Variants in AUTS2 observed in about 807,000 individuals in gnomAD.
AUTS2 encodes the protein autism susceptibility gene 2 protein.
AUTS2 carries 17 observed loss-of-function variants against 112.4 expected under a neutral mutation model. The observed-to-expected ratio is 0.15, with a 90% CI of 0.10 to 0.23. The LOEUF (loss-of-function observed/expected upper bound fraction) is 0.23. Ranked by LOEUF, AUTS2 falls within the 10% of genes least tolerant of loss-of-function variation. AUTS2 has a pLI of 1.00. For missense variants in AUTS2, 1,510 were observed against 1,701.6 expected (o/e 0.89, Z 1.98); for synonymous variants, 751 against 702.7 (o/e 1.07, Z -1.09).
chr7:70,390,722 G>A (rs918706617), intron 4 of AUTS2, among the ~76,000 whole-genome samples: 1 of 152,096 alleles, frequency 6.6e-6, no homozygotes, highest in African/African-American at 2.4e-5. Flanking sequence ...GCGAAGATGG[G>A]AAGAGTTAGG....
At chr7:70,590,840 G>T (rs7796916) in intron 5 of AUTS2, among the ~76,000 whole-genome samples, 24 of 152,064 alleles carry the variant, frequency 1.6e-4, no homozygotes, top group Middle Eastern at 3.4e-3. Context: ...GGCCTTTTTC[G>T]TGTTGTTTTC....
At position 70,774,056 on chromosome 7, in the gene AUTS2, G is replaced by A. The variant is rs766073543; in HGVS notation, c.1859G>A (p.Arg620Gln). The change falls in exon 12 of 19, where the codon CGG becomes CAG. Residue 620 changes from arginine (R) to glutamine (Q), a missense_variant. By Grantham distance (43) the Arg-to-Gln change is conservative (BLOSUM62 1). This residue lies in a region of AUTS2 where 187 missense variants were observed against 309.7 expected (regional missense o/e 0.60). Transcript: ENST00000342771. Reference protein sequence around the residue: ...KTSNPIDVAARPGTVPHTLLQ... With the variant: ...KTSNPIDVAAQPGTVPHTLLQ... ...TCCAACCCTATCGATGTCGCTGCTC[G>A]GCCTGGGACAGTCCCACACACTTTA... is the stretch of plus-strand genomic sequence containing the variant. The A allele has an allele frequency of 2.0e-5, 33 of 1,614,024 alleles. No individual in the cohort carries two copies. The highest frequency in any genetic ancestry group is 6.7e-5 in the East Asian group (3 of 44,898).
chr7:69,652,800 A>G (rs1795353897), intron 1 of AUTS2, among the ~76,000 whole-genome samples: 1 of 152,158 alleles, frequency 6.6e-6, no homozygotes, highest in South Asian at 2.1e-4. Context: ...GGCTGGAGGA[A>G]CTGTGAAAAA....
chr7:70,134,411 A>G, intron 3 of AUTS2, 125 bp from the exon 4 acceptor site: 2 of 753,872 alleles, frequency 2.7e-6, no homozygotes, highest in Admixed American at 4.1e-5. Context: ...GACAAGGGGC[A>G]GCATACACTG....
chr7:69,673,718 T>C (rs1273689564), intron 1 of AUTS2, among the ~76,000 whole-genome samples: 1 of 152,220 alleles, frequency 6.6e-6, no homozygotes, highest in Non-Finnish European at 1.5e-5. Flanking sequence ...TGGGGTAACT[T>C]TGCCAACTAA....
At chr7:70,087,372 C>CTTTTTTTTTTTTTTTTTTT (rs571292584) in intron 2 of AUTS2, among the ~76,000 whole-genome samples, 1 of 137,724 alleles carries the variant, frequency 7.3e-6, no homozygotes. Context: ...TTTTCTTTTT[C>CTTTTTTTTTTTTTTTTTTT]TTTTTTTTTT....
chr7:70,147,828 A>G (rs777145844), intron 4 of AUTS2, among the ~76,000 whole-genome samples: 53 of 152,144 alleles, frequency 3.5e-4, no homozygotes, highest in Non-Finnish European at 1.0e-4. Flanking sequence ...GGAGTGATCA[A>G]GCATGATCAC....
chr7:69,884,494 T>G lies in AUTS2; in HGVS notation c.310-14792T>G, dbSNP rs139050155. Among the ~76,000 whole-genome samples the G allele has an allele frequency of 3.1e-3, 474 of 152,328 alleles. 3 individuals are homozygous for G. Among genetic ancestry groups the G allele is most frequent in the African/African-American group, 0.011 (467 of 41,576 alleles). On this transcript the variant is annotated intron_variant, in intron 1 of 18. Transcript: ENST00000342771. ...ATAAATCTCACGTTTAATCCTCTGG[T>G]TACCCTGTAATCATGTCTCTATTGA...
intron 5 of AUTS2, among the ~76,000 whole-genome samples, chr7:70,681,587 C>A (rs773740720): frequency 6.6e-6 from 1 of 151,806 alleles, no homozygotes; most frequent in African/African-American, 2.4e-5. Context: ...AGGATTTCAG[C>A]GGTAGGCAAA....
chr7:70,642,801 C>T (rs991297150), intron 5 of AUTS2, among the ~76,000 whole-genome samples: 3 of 150,556 alleles, frequency 2.0e-5, no homozygotes, highest in Admixed American at 6.6e-5. Flanking sequence ...GTGTCAACTC[C>T]CCTTCTCGTG....
rs143667553 is a variant in AUTS2, at chr7:70,527,399, A to T, written c.690+91618A>T. Reference sequence around the variant, plus strand: ...CCCATCTTCTCAGTATTTCAAGGGCATAGTCACTTGGCTGTAATAACTGCT... The same window carrying T: ...CCCATCTTCTCAGTATTTCAAGGGCTTAGTCACTTGGCTGTAATAACTGCT... On this transcript the variant is annotated intron_variant, in intron 5 of 18. Transcript: ENST00000342771. Among the ~76,000 whole-genome samples the T allele has an allele frequency of 9.6e-3, 1,463 of 152,256 alleles. 16 individuals carry two copies. The highest frequency in any genetic ancestry group is 0.034 in the African/African-American group (1,401 of 41,544).
chr7:70,692,696 A>G (rs1585516535), intron 5 of AUTS2, among the ~76,000 whole-genome samples: 1 of 151,912 alleles, frequency 6.6e-6, no homozygotes, highest in Non-Finnish European at 1.5e-5. Context: ...TAGAGAGAGA[A>G]GGCTTCTTAT....
intron 5 of AUTS2, among the ~76,000 whole-genome samples, chr7:70,558,515 T>C (rs1157030345): frequency 6.6e-6 from 1 of 152,136 alleles, no homozygotes; most frequent in Non-Finnish European, 1.5e-5. Flanking sequence ...GGTGGCCTGT[T>C]ATCAAGAGAA....
At chr7:70,607,364 A>G (rs1803838618) in intron 5 of AUTS2, among the ~76,000 whole-genome samples, 1 of 152,226 alleles carries the variant, frequency 6.6e-6, no homozygotes, top group African/African-American at 2.4e-5. Context: ...TGGAAAGCCT[A>G]TATTTAAAAA....
chr7:69,941,447 A>G (rs1316818428), intron 2 of AUTS2, among the ~76,000 whole-genome samples: 1 of 152,146 alleles, frequency 6.6e-6, no homozygotes, highest in African/African-American at 2.4e-5. Flanking sequence ...TCTGATTACC[A>G]TTTGTAACTA....
At chr7:70,526,357 G>T (rs1229650345) in intron 5 of AUTS2, among the ~76,000 whole-genome samples, 2 of 152,158 alleles carry the variant, frequency 1.3e-5, no homozygotes, top group African/African-American at 4.8e-5. Context: ...TTGCTGGCCA[G>T]GTTCTATACC....
intron 3 of AUTS2, chr7:70,118,565 G>A (rs1432837223): frequency 5.9e-6 from 1 of 170,724 alleles, no homozygotes; most frequent in Non-Finnish European, 1.2e-5. Flanking sequence ...GATCACCTGA[G>A]GTTGGAAGTT....
Position 70,764,874 on chromosome 7 carries a change from C to T in AUTS2, c.1337C>T (p.Pro446Leu). Residue 446 changes from proline (P) to leucine (L), a missense_variant, in exon 8 of 19, where the codon CCC (proline) becomes CTC (leucine). Physicochemically the swap from Pro to Leu is moderately conservative, Grantham distance 98. Around this residue, in one of 3 missense-constraint regions of AUTS2, gnomAD observed 535 missense variants for 594.3 expected, o/e 0.90. Coordinates refer to ENST00000342771, the MANE Select transcript of AUTS2 (RefSeq NM_015570.4). Reference protein sequence around the residue: ...PNHSPLHSFTPTLQPPAHSHH... With the variant: ...PNHSPLHSFTLTLQPPAHSHH... ...CACAGCCCCCTGCACAGCTTCACAC[C>T]CACCCTCCAGCCCCCCGCACACTCA... The T allele has an allele frequency of 6.3e-7, 1 of 1,594,700 alleles. No individual in the cohort carries two copies. Among genetic ancestry groups the T allele is most frequent in the East Asian group, 2.3e-5 (1 of 44,180 alleles).
intron 2 of AUTS2, among the ~76,000 whole-genome samples, chr7:70,064,785 T>C (rs1344779946): frequency 2.0e-5 from 3 of 152,190 alleles, no homozygotes; most frequent in Admixed American, 6.5e-5. Flanking sequence ...GAGCCTAGAA[T>C]TGTAATGTAT....
Sources: gnomAD v4.1 joint callset for allele counts (sites outside exome capture counted in the v4.1 genomes callset) on GRCh38, gnomAD v4.1.1 for gene constraint, gnomAD v4.1.1 regional missense constraint, MANE v1.5 for transcripts, NCBI Gene and HGNC (gene_info 2026-07-23, HGNC 2026-07-21) for gene names.